The following LRMDA variants were observed in gnomAD, a reference collection of about 807,000 sequenced individuals.
LRMDA encodes the protein leucine-rich melanocyte differentiation-associated protein.
LRMDA carries 18 observed loss-of-function variants against 29.8 expected under a neutral mutation model. The ratio of observed to expected loss-of-function variants is 0.60; its 90% confidence interval spans 0.42 to 0.90. LRMDA has a LOEUF of 0.90. LRMDA is among the 40% of genes least tolerant of loss of function. The pLI is 0.00. For missense variants in LRMDA, 273 were observed against 273.9 expected, an observed-to-expected ratio of 1.00 and a Z score of 0.02; for synonymous variants, 125 against 109.4, an observed-to-expected ratio of 1.14 and a Z score of -0.89.
intron 2 of LRMDA, among the ~76,000 whole-genome samples, chr10:75,607,836 T>C (rs1303497098): frequency 6.7e-6 from 1 of 148,692 alleles, no homozygotes; most frequent in African/African-American, 2.5e-5. Flanking sequence ...TTTTTTTTTT[T>C]TTTTTTTTTT....
chr10:75,913,519 C>G (rs1845877869), intron 2 of LRMDA, among the ~76,000 whole-genome samples: 1 of 152,182 alleles, frequency 6.6e-6, no homozygotes, highest in South Asian at 2.1e-4. Context: ...GAAATGAAAA[C>G]ATTTTTGTAG....
intron 6 of LRMDA, among the ~76,000 whole-genome samples, chr10:76,367,713 G>C (rs1015355983): frequency 6.6e-6 from 1 of 152,148 alleles, no homozygotes; most frequent in Non-Finnish European, 1.5e-5. Flanking sequence ...CTCCCAAAGT[G>C]CTGGGATTAC....
At chr10:75,931,943 C>T (rs186554703) in intron 2 of LRMDA, among the ~76,000 whole-genome samples, 10 of 152,274 alleles carry the variant, frequency 6.6e-5, no homozygotes, top group African/African-American at 2.2e-4. Flanking sequence ...TGTTAGGTCA[C>T]GAAATCCCTG....
chr10:75,670,180 T>G (rs888642584), intron 2 of LRMDA, among the ~76,000 whole-genome samples: 9 of 152,228 alleles, frequency 5.9e-5, no homozygotes, highest in Non-Finnish European at 1.0e-4. Flanking sequence ...CTCAGAATAT[T>G]AACAGTGTAA....
chr10:75,935,241 A>G (rs1199859041), intron 2 of LRMDA, among the ~76,000 whole-genome samples: 3 of 152,248 alleles, frequency 2.0e-5, no homozygotes, highest in Admixed American at 2.0e-4. Context: ...ACTGCCCAAG[A>G]TGGATAGTGA....
chr10:75,643,422 G>A (rs1841478694), intron 2 of LRMDA, among the ~76,000 whole-genome samples: 1 of 152,126 alleles, frequency 6.6e-6, no homozygotes, highest in Non-Finnish European at 1.5e-5. Context: ...CAAGTGTTCC[G>A]GGGAATGAGA....
intron 5 of LRMDA, among the ~76,000 whole-genome samples, chr10:76,155,182 A>G (rs1004215599): frequency 6.6e-6 from 1 of 152,236 alleles, no homozygotes; most frequent in Non-Finnish European, 1.5e-5. Context: ...CAGTGTAGAA[A>G]TATATTACCC....
chr10:75,687,336 T>A (rs891569193), intron 2 of LRMDA, among the ~76,000 whole-genome samples: 1 of 152,160 alleles, frequency 6.6e-6, no homozygotes, highest in Non-Finnish European at 1.5e-5. Context: ...AGTGAATACA[T>A]GTATGATAAA....
At chr10:75,892,163 C>T (rs1303606083) in intron 2 of LRMDA, among the ~76,000 whole-genome samples, 4 of 152,148 alleles carry the variant, frequency 2.6e-5, no homozygotes, top group East Asian at 1.9e-4. Context: ...TGCGCTTGCT[C>T]GTTATATTCC....
chr10:75,604,552 A>G (rs1005828148), intron 2 of LRMDA, among the ~76,000 whole-genome samples: 2 of 152,198 alleles, frequency 1.3e-5, no homozygotes, highest in South Asian at 2.1e-4. Context: ...GAAATGAGCT[A>G]TGTTGCTTAC....
At chr10:76,107,811 G>C (rs1849511894) in intron 5 of LRMDA, among the ~76,000 whole-genome samples, 2 of 152,132 alleles carry the variant, frequency 1.3e-5, no homozygotes, top group African/African-American at 4.8e-5. Flanking sequence ...GAATGTGCAT[G>C]TTTGTTACAT....
intron 2 of LRMDA, among the ~76,000 whole-genome samples, chr10:75,462,265 G>A (rs1021747558): frequency 2.6e-5 from 4 of 152,102 alleles, no homozygotes; most frequent in Admixed American, 1.3e-4. Flanking sequence ...CATCACATTC[G>A]AGCCCACATC....
intron 2 of LRMDA, among the ~76,000 whole-genome samples, chr10:75,601,805 T>C (rs905962525): frequency 6.6e-6 from 1 of 152,234 alleles, no homozygotes; most frequent in African/African-American, 2.4e-5. Context: ...TTATTATCAT[T>C]ACCAGTAACT....
intron 2 of LRMDA, among the ~76,000 whole-genome samples, chr10:75,615,518 C>T (rs1168394394): frequency 6.6e-6 from 1 of 152,000 alleles, no homozygotes; most frequent in Non-Finnish European, 1.5e-5. Flanking sequence ...AATACTCAAC[C>T]TGATGAAAAG....
intron 2 of LRMDA, among the ~76,000 whole-genome samples, chr10:75,673,382 C>A (rs1841924034): frequency 6.6e-6 from 1 of 152,134 alleles, no homozygotes; most frequent in Non-Finnish European, 1.5e-5. Context: ...AGGTTTAATA[C>A]CTTCATTTTT....
At chr10:76,378,162 G>A (rs976526225) in intron 6 of LRMDA, among the ~76,000 whole-genome samples, 1 of 152,010 alleles carries the variant, frequency 6.6e-6, no homozygotes, top group South Asian at 2.1e-4. Context: ...AAATGGGATT[G>A]ACTTTTGTAT....
At chr10:76,368,994 T>C (rs759768991) in intron 6 of LRMDA, among the ~76,000 whole-genome samples, 1 of 152,202 alleles carries the variant, frequency 6.6e-6, no homozygotes, top group Non-Finnish European at 1.5e-5. Flanking sequence ...TGTGAGTTCT[T>C]ATGTGTTGGG....
intron 2 of LRMDA, among the ~76,000 whole-genome samples, chr10:75,519,182 G>T (rs571383720): frequency 6.6e-6 from 1 of 152,312 alleles, no homozygotes; most frequent in East Asian, 1.9e-4. Context: ...ATATTCTGTT[G>T]ATTTGGGGTG....
In LRMDA at chr10:75,864,420, G is replaced by C. The variant is rs114109867; in HGVS notation, c.132-171588G>C. Among the ~76,000 whole-genome samples the C allele has an allele frequency of 4.6e-3, 704 of 152,240 alleles. 10 individuals are homozygous for C. The highest frequency in any genetic ancestry group is 0.016 in the African/African-American group (675 of 41,546). ...GTCCTAACCCTTCCCAAGACACAGAGGCCTAGGGGAACCTCAGGCTCCCTG... is the reference window on the plus strand; with the variant it reads ...GTCCTAACCCTTCCCAAGACACAGACGCCTAGGGGAACCTCAGGCTCCCTG... On this transcript the variant is annotated intron_variant, in intron 2 of 6. Transcript: ENST00000611255.
Sources: allele counts gnomAD v4.1 joint callset (sites outside exome capture counted in the v4.1 genomes callset), GRCh38; gene constraint gnomAD v4.1.1; transcripts MANE v1.5; gene names NCBI Gene and HGNC (gene_info 2026-07-23, HGNC 2026-07-21).